Variants in KDM4C observed in about 807,000 individuals in gnomAD.
The protein encoded by KDM4C is lysine-specific demethylase 4C.
Under a neutral mutation model 129.3 loss-of-function variants are expected in KDM4C, and 81 were observed. The observed-to-expected ratio is 0.63, with a 90% CI of 0.52 to 0.75. KDM4C has a LOEUF of 0.75. Ranked by LOEUF, KDM4C falls within the 30% of genes least tolerant of loss-of-function variation. The pLI is 0.00. For missense variants in KDM4C, 1,457 were observed against 1,304.0 expected, an observed-to-expected ratio of 1.12 and a Z score of -1.81; for synonymous variants, 573 against 456.1, an observed-to-expected ratio of 1.26 and a Z score of -3.26.
intron 8 of KDM4C, among the ~76,000 whole-genome samples, chr9:6,944,547 A>G (rs1404384511): frequency 6.6e-6 from 1 of 151,948 alleles, no homozygotes; most frequent in Non-Finnish European, 1.5e-5. Flanking sequence ...TTTCATTGTG[A>G]AAGTTAAATA....
At chr9:7,173,692 A>G (rs988962241) in intron 21 of KDM4C, among the ~76,000 whole-genome samples, 7 of 152,186 alleles carry the variant, frequency 4.6e-5, no homozygotes, top group African/African-American at 1.4e-4. Flanking sequence ...TTTCTGGCCA[A>G]TGTAACTGGG....
At chr9:6,740,243 G>A (rs554620196) in intron 1 of KDM4C, among the ~76,000 whole-genome samples, 3 of 147,974 alleles carry the variant, frequency 2.0e-5, no homozygotes, top group Non-Finnish European at 3.0e-5. Flanking sequence ...TTGCTCTGTT[G>A]CCCAGGCTGG....
intron 18 of KDM4C, among the ~76,000 whole-genome samples, chr9:7,125,962 G>C (rs1463281821): frequency 6.6e-6 from 1 of 152,200 alleles, no homozygotes; most frequent in African/African-American, 2.4e-5. Flanking sequence ...TTCCTAGTAG[G>C]TACAGGCTTT....
chr9:6,794,254 TA>T (rs1827304002), intron 2 of KDM4C, among the ~76,000 whole-genome samples: 2 of 152,204 alleles, frequency 1.3e-5, no homozygotes, highest in South Asian at 4.1e-4. Flanking sequence ...TGTAGCATCT[TA>T]GAATGATGAA....
At position 7,033,005 on chromosome 9, in the gene KDM4C, C is replaced by T. The variant is rs182639262; in HGVS notation, c.2260-13857C>T. On this transcript the variant is annotated intron_variant, in intron 15 of 21. Coordinates refer to ENST00000381309, the MANE Select transcript of KDM4C (RefSeq NM_015061.6). ...TTGAATTCAATTTCCCAACTGACAA[C>T]AGCATTGGCATTTTTCTTTTTCGAA... 2.6e-5 allele frequency among the ~76,000 whole-genome samples: 4 copies of T among 152,264 alleles called. No individual in the cohort carries two copies. The East Asian group carries it at 5.8e-4, about 22-fold the overall frequency.
At chr9:6,820,712 CTCTTTT>C (rs1832874395) in intron 4 of KDM4C, among the ~76,000 whole-genome samples, 2 of 102,558 alleles carry the variant, frequency 2.0e-5, no homozygotes, top group Non-Finnish European at 3.9e-5. Context: ...CTCTCTCTCT[CTCTTTT>C]TTTTTTTTTT....
In KDM4C at chr9:7,101,542, G is replaced by GGTTATAATA. The variant is rs550013225; in HGVS notation, c.2425-2140_2425-2139insATAATAGTT. The stretch of plus-strand genomic sequence containing the variant: ...ATTGAGTTATAATAGTTTACTGTTA[G>GGTTATAATA]GTTTACTTCCTAAGGAAACTGTGAT... On this transcript the variant is annotated intron_variant, in intron 17 of 21. Coordinates refer to ENST00000381309, the MANE Select transcript of KDM4C (RefSeq NM_015061.6). Among the ~76,000 whole-genome samples the GGTTATAATA allele has an allele frequency of 3.4e-3, 514 of 152,274 alleles. 2 individuals carry two copies. The highest frequency in any genetic ancestry group is 5.0e-3 in the Non-Finnish European group (343 of 68,008).
intron 13 of KDM4C, 73 bp from the exon 14 acceptor site, chr9:7,013,715 G>C: frequency 1.4e-6 from 2 of 1,398,490 alleles, no homozygotes; most frequent in East Asian, 4.7e-5. Context: ...ACAGGAGTTA[G>C]TGGATTTGAG....
At chr9:7,061,129 T>G (rs1831603154) in intron 17 of KDM4C, among the ~76,000 whole-genome samples, 1 of 152,236 alleles carries the variant, frequency 6.6e-6, no homozygotes, top group Non-Finnish European at 1.5e-5. Context: ...CTCAATTTGC[T>G]TCGGTCAGTT....
intron 5 of KDM4C, among the ~76,000 whole-genome samples, chr9:6,870,451 G>T (rs113111195): frequency 6.6e-6 from 1 of 152,046 alleles, no homozygotes; most frequent in African/African-American, 2.4e-5. Context: ...GTGAAGAGAT[G>T]CCTGTAAGGA....
chr9:7,087,310 G>T (rs991643933), intron 17 of KDM4C, among the ~76,000 whole-genome samples: 3 of 151,404 alleles, frequency 2.0e-5, no homozygotes, highest in African/African-American at 7.3e-5. Context: ...TAATTAAAAT[G>T]ACACAGAAAC....
At chr9:6,743,273 A>G (rs950795849) in intron 1 of KDM4C, among the ~76,000 whole-genome samples, 1 of 152,180 alleles carries the variant, frequency 6.6e-6, no homozygotes, top group African/African-American at 2.4e-5. Flanking sequence ...CTTCAACGAC[A>G]TCACTGAGGC....
chr9:7,107,196 C>T (rs1022331558), intron 18 of KDM4C, among the ~76,000 whole-genome samples: 1 of 152,224 alleles, frequency 6.6e-6, no homozygotes. Flanking sequence ...TCATTATAAC[C>T]TAGTTTCTGG....
At chr9:7,096,413 C>A in intron 17 of KDM4C, among the ~76,000 whole-genome samples, 1 of 152,192 alleles carries the variant, frequency 6.6e-6, no homozygotes, top group East Asian at 1.9e-4. Flanking sequence ...GGGCAGGAAG[C>A]ATCCAGAGGC....
chr9:7,139,346 T>C (rs554729616), intron 19 of KDM4C, among the ~76,000 whole-genome samples: 5 of 152,208 alleles, frequency 3.3e-5, no homozygotes, highest in Non-Finnish European at 5.9e-5. Context: ...TCTTTTCCCC[T>C]GAGTAACAGA....
chr9:6,781,178 G>T (rs1032928279), intron 1 of KDM4C, among the ~76,000 whole-genome samples: 1 of 152,062 alleles, frequency 6.6e-6, no homozygotes, highest in Admixed American at 6.6e-5. Context: ...TTTGGGGCAG[G>T]GGATTTTTCT....
At chr9:6,757,841 G>C (rs549014288), upstream of KDM4C, 74 of 985,492 alleles carry the variant, frequency 7.5e-5, no homozygotes, top group Non-Finnish European at 8.6e-5. Context: ...GCAAGCCTAA[G>C]TTAACCACAG....
intron 8 of KDM4C, among the ~76,000 whole-genome samples, chr9:6,957,569 G>C (rs1023461697): frequency 1.3e-5 from 2 of 152,002 alleles, no homozygotes; most frequent in Admixed American, 1.3e-4. Context: ...GGAGAATACT[G>C]GTAGGTCACC....
intron 8 of KDM4C, among the ~76,000 whole-genome samples, chr9:6,898,592 A>G (rs1015061234): frequency 2.6e-5 from 4 of 152,202 alleles, no homozygotes; most frequent in Admixed American, 2.6e-4. Flanking sequence ...ATTTTAAGAC[A>G]TTTTGATACT....
Sources: allele counts gnomAD v4.1 joint callset (sites outside exome capture counted in the v4.1 genomes callset), GRCh38; gene constraint gnomAD v4.1.1; transcripts MANE v1.5; gene names NCBI Gene and HGNC (gene_info 2026-07-23, HGNC 2026-07-21).